Variants in RFC3 observed in about 807,000 individuals in gnomAD.
RFC3 encodes A1 38 kDa subunit.
In RFC3, 41 loss-of-function variants were observed where a neutral mutation model predicts 45.1. The observed-to-expected ratio is 0.91, with a 90% CI of 0.71 to 1.18. RFC3 has a LOEUF of 1.18. Among genes scored for constraint, RFC3 ranks in the 50% most tolerant of loss-of-function variants. The pLI is 0.00. For missense variants in RFC3, 423 were observed against 428.1 expected, an observed-to-expected ratio of 0.99 and a Z score of 0.10; for synonymous variants, 149 against 144.0, an observed-to-expected ratio of 1.03 and a Z score of -0.25.
downstream of RFC3, among the ~76,000 whole-genome samples, chr13:33,967,175 A>T (rs889829771): frequency 2.0e-5 from 3 of 152,054 alleles, no homozygotes; most frequent in East Asian, 1.9e-4. Context: ...TAAAAAAAAA[A>T]TTTAAAAAAA....
chr13:33,935,669 A>G (rs1276459608), intron 8 of RFC3, among the ~76,000 whole-genome samples: 2 of 152,174 alleles, frequency 1.3e-5, no homozygotes, highest in Non-Finnish European at 2.9e-5. Context: ...GAGGTAATAT[A>G]AAACCTTGTT....
chr13:33,947,473 T>G (rs1011726787), intron 8 of RFC3, among the ~76,000 whole-genome samples: 13 of 152,044 alleles, frequency 8.6e-5, no homozygotes, highest in Non-Finnish European at 1.9e-4. Flanking sequence ...ACTAATACAG[T>G]AAATTGGTAC....
At chr13:33,865,325 C>T in intron 8 of RFC3, among the ~76,000 whole-genome samples, 1 of 152,094 alleles carries the variant, frequency 6.6e-6, no homozygotes. Context: ...AGGGAGTTGC[C>T]TTGTAAGAAG....
At chr13:33,947,754 G>C (rs1405133854) in intron 8 of RFC3, among the ~76,000 whole-genome samples, 1 of 152,174 alleles carries the variant, frequency 6.6e-6, no homozygotes, top group Non-Finnish European at 1.5e-5. Context: ...AAGGTGATGA[G>C]GAACCTCTTG....
At chr13:33,823,847 A>G (rs944643894) in intron 2 of RFC3, 70 bp from the exon 3 acceptor site, 4 of 792,222 alleles carry the variant, frequency 5.0e-6, no homozygotes, top group East Asian at 2.8e-5. Context: ...AGGAAAACCA[A>G]TGAAAATACA....
chr13:33,967,056 C>T (rs1416853813), downstream of RFC3, among the ~76,000 whole-genome samples: 7 of 151,914 alleles, frequency 4.6e-5, no homozygotes, highest in Non-Finnish European at 1.0e-4. Flanking sequence ...ACTCGGGAGG[C>T]TGAGGTGGGA....
rs1566030453 is a variant in RFC3, at chr13:33,925,033, T to TATATAGTGTACATATATATATACAC, written c.880-41049_880-41048insGTGTACATATATATATACACATATA. Among the ~76,000 whole-genome samples the TATATAGTGTACATATATATATACAC allele has an allele frequency of 3.3e-5, 5 of 149,432 alleles. No individual in the cohort carries two copies. The East Asian group carries it at 9.9e-4, about 29-fold the overall frequency. On this transcript the variant is annotated intron_variant, in intron 8 of 8. Transcript: ENST00000434425. ...GTAATCATTTCACTATATATATACATATATATAGTGTACATATATATATAC... is the reference window on the plus strand; with the variant it reads ...GTAATCATTTCACTATATATATACATATATAGTGTACATATATATATACACATATATAGTGTACATATATATATAC...
At chr13:33,927,434 T>C (rs574315652) in intron 8 of RFC3, among the ~76,000 whole-genome samples, 2 of 152,192 alleles carry the variant, frequency 1.3e-5, no homozygotes, top group East Asian at 3.9e-4. Flanking sequence ...GTGGCATTGC[T>C]AGGTAAAACT....
At chr13:33,876,468 CAGTG>C (rs1286712096) in intron 8 of RFC3, among the ~76,000 whole-genome samples, 1 of 152,202 alleles carries the variant, frequency 6.6e-6, no homozygotes, top group East Asian at 1.9e-4. Flanking sequence ...AACTTTAACT[CAGTG>C]AGAGTATTCA....
intron 7 of RFC3, among the ~76,000 whole-genome samples, chr13:33,834,921 T>A (rs1422333871): frequency 6.6e-6 from 1 of 152,152 alleles, no homozygotes; most frequent in Non-Finnish European, 1.5e-5. Context: ...AAAAATGAAC[T>A]GAAGTTAGGA....
intron 8 of RFC3, among the ~76,000 whole-genome samples, chr13:33,889,932 A>C (rs187542999): frequency 2.4e-4 from 36 of 152,322 alleles, no homozygotes. Flanking sequence ...CTGGAGAACA[A>C]AGACATTTTG....
In RFC3 at chr13:33,836,435, T is replaced by C. The variant is rs1428409121; in HGVS notation, c.*140T>C. ...TGGTAATAACTTCTCTGTGAACTAT[T>C]AATCATCCTCTGAGTTAAATAATTG... On this transcript the variant is annotated 3_prime_UTR_variant, in exon 9 of 9. Transcript: ENST00000380071. 3.1e-5 allele frequency: 45 copies of C among 1,461,294 alleles called. No homozygotes were observed. Among genetic ancestry groups the C allele is most frequent in the Non-Finnish European group, 3.9e-5 (43 of 1,110,652 alleles). 90.5% of individuals were successfully genotyped at this position (1,461,294 alleles called of 1,614,324 possible).
intron 8 of RFC3, among the ~76,000 whole-genome samples, chr13:33,951,335 G>A (rs558804278): frequency 2.4e-4 from 36 of 151,054 alleles, no homozygotes; most frequent in South Asian, 1.3e-3. Flanking sequence ...TGGTTCAAGC[G>A]ATTCCCCTGC....
chr13:33,907,491 A>G (rs1372903468), intron 8 of RFC3, among the ~76,000 whole-genome samples: 1 of 152,132 alleles, frequency 6.6e-6, no homozygotes, highest in African/African-American at 2.4e-5. Context: ...ACTTAAATCT[A>G]TACCTGAAAA....
At chr13:33,958,669 G>C (rs1263203813) in intron 8 of RFC3, among the ~76,000 whole-genome samples, 1 of 152,152 alleles carries the variant, frequency 6.6e-6, no homozygotes, top group Non-Finnish European at 1.5e-5. Context: ...TTCAGGTAAG[G>C]CTTGATGTGG....
At chr13:33,929,551 T>A (rs773662696) in intron 8 of RFC3, among the ~76,000 whole-genome samples, 7 of 152,256 alleles carry the variant, frequency 4.6e-5, no homozygotes, top group South Asian at 2.1e-4. Flanking sequence ...ATTCATGTAA[T>A]GTCCTTAGGA....
intron 8 of RFC3, among the ~76,000 whole-genome samples, chr13:33,891,574 A>G (rs1030011921): frequency 1.3e-5 from 2 of 152,224 alleles, no homozygotes; most frequent in Non-Finnish European, 2.9e-5. Flanking sequence ...CTAATATGGT[A>G]GATCAAGGAG....
intron 8 of RFC3, among the ~76,000 whole-genome samples, chr13:33,853,762 G>C (rs1199287183): frequency 6.6e-6 from 1 of 152,142 alleles, no homozygotes; most frequent in African/African-American, 2.4e-5. Flanking sequence ...ACCCAAGAGA[G>C]AGAAGTCCAG....
chr13:33,864,951 A>G (rs2082363781), intron 8 of RFC3, among the ~76,000 whole-genome samples: 1 of 152,300 alleles, frequency 6.6e-6, no homozygotes, highest in Non-Finnish European at 1.5e-5. Context: ...GGTAAAGCCT[A>G]GGGATGTATT....
Sources: allele counts gnomAD v4.1 joint callset (sites outside exome capture counted in the v4.1 genomes callset), GRCh38; gene constraint gnomAD v4.1.1; transcripts MANE v1.5; gene names NCBI Gene and HGNC (gene_info 2026-07-23, HGNC 2026-07-21).